The following FIGN variants were observed in gnomAD, a reference collection of about 807,000 sequenced individuals.
The protein encoded by FIGN is fidgetin, microtubule severing factor, also known as fidgetin.
Under a neutral mutation model 51.3 loss-of-function variants are expected in FIGN, and 11 were observed. That is an observed-to-expected ratio of 0.21 (90% CI 0.13 to 0.35). FIGN has a LOEUF of 0.35. Ranked by LOEUF, FIGN falls within the 10% of genes least tolerant of loss-of-function variation. The pLI is 1.00. For missense variants in FIGN, 857 were observed against 943.6 expected, an observed-to-expected ratio of 0.91 and a Z score of 1.20; for synonymous variants, 407 against 363.2, an observed-to-expected ratio of 1.12 and a Z score of -1.37.
intron 2 of FIGN, among the ~76,000 whole-genome samples, chr2:163,734,257 C>G (rs1475710999): frequency 2.0e-5 from 3 of 151,796 alleles, no homozygotes; most frequent in Non-Finnish European, 4.4e-5. Flanking sequence ...AAAACCTATC[C>G]CTACTCTTTA....
At chr2:163,634,777 A>C (rs1250727039) in intron 2 of FIGN, among the ~76,000 whole-genome samples, 1 of 152,212 alleles carries the variant, frequency 6.6e-6, no homozygotes, top group Non-Finnish European at 1.5e-5. Flanking sequence ...GGAGTGTTAT[A>C]ACTCTCTTAT....
intron 2 of FIGN, among the ~76,000 whole-genome samples, chr2:163,729,414 G>T (rs951526098): frequency 3.3e-5 from 5 of 151,902 alleles, no homozygotes; most frequent in African/African-American, 1.2e-4. Flanking sequence ...TGGGGTAAAA[G>T]AAAACATTTT....
chr2:163,603,004 A>C lies in FIGN; in HGVS notation c.*6548T>G, dbSNP rs1691004779. On this transcript the variant is annotated 3_prime_UTR_variant, in exon 3 of 3. Transcript: ENST00000333129. Reference sequence around the variant, plus strand: ...AATTGTACAGCAGCTTCCTACACACATATGATCAACCATATAATGATCCCA... The same window carrying C: ...AATTGTACAGCAGCTTCCTACACACCTATGATCAACCATATAATGATCCCA... 6.6e-6 allele frequency: 1 copy of C among 152,080 alleles called. No individual in the cohort carries two copies. Among genetic ancestry groups the C allele is most frequent in the South Asian group, 2.1e-4 (1 of 4,830 alleles). The allele number at this position is 152,080 out of a possible 1,614,324, so 9.4% of individuals were successfully genotyped here.
rs147909003 is a variant in FIGN, at chr2:163,662,202, G to A, written c.26-50396C>T. 3.9e-5 allele frequency among the ~76,000 whole-genome samples: 6 copies of A among 152,294 alleles called. No homozygotes were observed. The East Asian group carries it at 1.2e-3, about 29-fold the overall frequency. ...GAGATGAGGAACTTGTTGGGAACTG[G>A]AGTAAAGGTGAATCTTGTTATGTTT... On this transcript the variant is annotated intron_variant, in intron 2 of 2. Transcript: ENST00000333129.
At chr2:163,716,470 C>A (rs760367662) in intron 2 of FIGN, among the ~76,000 whole-genome samples, 1 of 152,044 alleles carries the variant, frequency 6.6e-6, no homozygotes, top group Admixed American at 6.6e-5. Flanking sequence ...GGAAATAGAT[C>A]CACTCCAGTT....
In FIGN at chr2:163,608,487, T is replaced by C. The variant is rs1379841466; in HGVS notation, c.*1065A>G. On this transcript the variant is annotated 3_prime_UTR_variant, in exon 3 of 3. Coordinates refer to ENST00000333129, the MANE Select transcript of FIGN (RefSeq NM_018086.4). ...GCAATAAAAAGGCAGTCATAGTTTT[T>C]AGGTACTGTGACTTTCAGGGTCCTA... 2.0e-5 allele frequency: 3 copies of C among 152,722 alleles called. No individual in the cohort carries two copies. Among genetic ancestry groups the C allele is most frequent in the Non-Finnish European group, 4.4e-5 (3 of 68,218 alleles). 9.5% of individuals were successfully genotyped at this position (152,722 alleles called of 1,614,324 possible). A position where few individuals can be genotyped will look rare whatever the true frequency, so the allele number is the denominator to read the frequency against.
intron 2 of FIGN, among the ~76,000 whole-genome samples, chr2:163,658,327 A>G (rs1197708347): frequency 2.0e-5 from 3 of 150,410 alleles, no homozygotes; most frequent in African/African-American, 4.9e-5. Context: ...AATCTGGCTG[A>G]TAACATCCAG....
intron 2 of FIGN, among the ~76,000 whole-genome samples, chr2:163,624,780 T>C (rs1683030046): frequency 6.6e-6 from 1 of 151,126 alleles, no homozygotes. Flanking sequence ...TTTTCAGCAA[T>C]TTGCACCACC....
At chr2:163,660,774 CACATATACATATATATGTATAT>C in intron 2 of FIGN, among the ~76,000 whole-genome samples, 1 of 14,364 alleles carries the variant, frequency 7.0e-5, no homozygotes, top group South Asian at 2.4e-3. Flanking sequence ...TATATGTATA[CACATATACATATATATGTATAT>C]AGATATACAT....
At position 163,610,350 on chromosome 2, in the gene FIGN, C is replaced by T; in HGVS notation, c.1482G>A (p.Val494=). The T allele has an allele frequency of 6.2e-7, 1 of 1,614,178 alleles. No homozygotes were observed. The highest frequency in any genetic ancestry group is 8.5e-7 in the Non-Finnish European group (1 of 1,180,036). The change falls in exon 3 of 3, where the codon GTG becomes GTA. Residue 494 remains valine (V), a synonymous_variant. Transcript: ENST00000333129. ...DWNDIAGLDL[V]KAVIKEEVLW... ...AAACCTCCTCTTTAATGACAGCCTT[C>T]ACCAGGTCGAGACCAGCAATGTCAT...
intron 2 of FIGN, among the ~76,000 whole-genome samples, chr2:163,698,934 T>A (rs995949384): frequency 1.3e-5 from 2 of 152,104 alleles, no homozygotes; most frequent in African/African-American, 4.8e-5. Context: ...ACAAAATACA[T>A]GGAAAAGAAA....
At chr2:163,687,158 C>G (rs898648184) in intron 2 of FIGN, among the ~76,000 whole-genome samples, 4 of 152,076 alleles carry the variant, frequency 2.6e-5, no homozygotes, top group Non-Finnish European at 5.9e-5. Flanking sequence ...GAATGGTATT[C>G]AAAGCCATAA....
chr2:163,711,941 C>T (rs528133490), intron 2 of FIGN, among the ~76,000 whole-genome samples: 1 of 152,198 alleles, frequency 6.6e-6, no homozygotes, highest in South Asian at 2.1e-4. Flanking sequence ...CCCTCCCTCG[C>T]TCTCTGGAAT....
intron 2 of FIGN, among the ~76,000 whole-genome samples, chr2:163,654,668 C>T (rs944941926): frequency 1.3e-5 from 2 of 152,030 alleles, no homozygotes; most frequent in South Asian, 2.1e-4. Context: ...GACTCTAGGC[C>T]GAGTTATTTT....
At chr2:163,709,026 G>A (rs1006647053) in intron 2 of FIGN, among the ~76,000 whole-genome samples, 3 of 152,056 alleles carry the variant, frequency 2.0e-5, no homozygotes, top group Admixed American at 6.6e-5. Flanking sequence ...CCGTAAATAC[G>A]GCAATGGGTG....
intron 2 of FIGN, among the ~76,000 whole-genome samples, chr2:163,626,636 G>A (rs1448928686): frequency 6.6e-6 from 1 of 152,184 alleles, no homozygotes; most frequent in East Asian, 1.9e-4. Context: ...TATGTCAGAG[G>A]TGTCTGAACT....
intron 2 of FIGN, among the ~76,000 whole-genome samples, chr2:163,668,066 T>A (rs1052920576): frequency 4.6e-5 from 6 of 129,158 alleles, no homozygotes; most frequent in Admixed American, 1.6e-4. Context: ...AAATATCTGA[T>A]AGGGATATGA....
At chr2:163,616,542 T>G (rs137912717) in intron 2 of FIGN, among the ~76,000 whole-genome samples, 3 of 152,208 alleles carry the variant, frequency 2.0e-5, no homozygotes, top group East Asian at 3.9e-4. Flanking sequence ...TTCTCAGACT[T>G]CCTAAGGGCA....
At chr2:163,662,518 C>G (rs181089389) in intron 2 of FIGN, among the ~76,000 whole-genome samples, 153 of 152,282 alleles carry the variant, frequency 1.0e-3, no homozygotes, top group African/African-American at 3.4e-3. Flanking sequence ...CCCAAGACCA[C>G]GGGGAAAATG....
Sources: gnomAD v4.1 joint callset for allele counts (sites outside exome capture counted in the v4.1 genomes callset) on GRCh38, gnomAD v4.1.1 for gene constraint, MANE v1.5 for transcripts, NCBI Gene and HGNC (gene_info 2026-07-23, HGNC 2026-07-21) for gene names.